Variants in SUCLG2 observed in about 807,000 individuals in gnomAD.
SUCLG2 encodes the protein succinate-CoA ligase GDP-forming subunit beta.
A neutral mutation model predicts 47.9 loss-of-function variants in SUCLG2; 42 were observed. That is an observed-to-expected ratio of 0.88 (90% CI 0.69 to 1.14). The LOEUF is 1.14. SUCLG2 is among the 50% of genes most tolerant of loss of function. The pLI is 0.00. For synonymous variants in SUCLG2, 195 were observed against 197.3 expected (o/e 0.99, Z 0.10); for missense variants, 571 against 525.9 (o/e 1.09, Z -0.84).
At chr3:67,623,515 A>G (rs1006029719) in intron 1 of SUCLG2, among the ~76,000 whole-genome samples, 2 of 152,108 alleles carry the variant, frequency 1.3e-5, no homozygotes, top group African/African-American at 4.8e-5. Context: ...AACAAAAAAT[A>G]AGAAAGAAAA....
chr3:67,414,228 C>T (rs1417411714), intron 9 of SUCLG2, among the ~76,000 whole-genome samples: 1 of 152,196 alleles, frequency 6.6e-6, no homozygotes, highest in African/African-American at 2.4e-5. Context: ...CCCTTTCATA[C>T]TATGCCATCT....
At chr3:67,387,444 T>C (rs1702283681) in intron 10 of SUCLG2, among the ~76,000 whole-genome samples, 1 of 152,222 alleles carries the variant, frequency 6.6e-6, no homozygotes, top group Non-Finnish European at 1.5e-5. Flanking sequence ...TGGAAATAAC[T>C]AGAAATGAAT....
At chr3:67,628,434 G>T (rs1700872245) in intron 1 of SUCLG2, among the ~76,000 whole-genome samples, 1 of 152,180 alleles carries the variant, frequency 6.6e-6, no homozygotes, top group African/African-American at 2.4e-5. Flanking sequence ...CACCCAGAGG[G>T]TATGTTTAAG....
At chr3:67,513,341 A>G (rs1705848332) in intron 6 of SUCLG2, among the ~76,000 whole-genome samples, 1 of 152,234 alleles carries the variant, frequency 6.6e-6, no homozygotes, top group South Asian at 2.1e-4. Context: ...TCCCATTGTA[A>G]TTATACATTA....
At chr3:67,637,704 C>T (rs1024452476) in intron 1 of SUCLG2, among the ~76,000 whole-genome samples, 4 of 152,174 alleles carry the variant, frequency 2.6e-5, no homozygotes, top group Non-Finnish European at 2.9e-5. Flanking sequence ...TTGACGTTTC[C>T]GTAAGTTATC....
intron 9 of SUCLG2, among the ~76,000 whole-genome samples, chr3:67,442,995 C>G (rs1703809080): frequency 6.6e-6 from 1 of 152,014 alleles, no homozygotes; most frequent in African/African-American, 2.4e-5. Flanking sequence ...TAAAAATATT[C>G]AGAAACGAAA....
At chr3:67,579,008 T>C (rs1450909079) in intron 2 of SUCLG2, among the ~76,000 whole-genome samples, 1 of 152,206 alleles carries the variant, frequency 6.6e-6, no homozygotes, top group Non-Finnish European at 1.5e-5. Flanking sequence ...GAATATTTTC[T>C]AGGATTTTTT....
At chr3:67,397,712 G>C (rs996093153) in intron 10 of SUCLG2, among the ~76,000 whole-genome samples, 2 of 152,136 alleles carry the variant, frequency 1.3e-5, no homozygotes, top group African/African-American at 2.4e-5. Flanking sequence ...GCATTGCCAA[G>C]TTAACCCTAA....
chr3:67,600,437 T>C (rs1708394169), intron 2 of SUCLG2, among the ~76,000 whole-genome samples: 2 of 152,230 alleles, frequency 1.3e-5, no homozygotes, highest in South Asian at 4.1e-4. Context: ...CCTTGAAGTA[T>C]GTATTATTAT....
At chr3:67,514,595 A>T (rs1414181602) in intron 6 of SUCLG2, among the ~76,000 whole-genome samples, 1 of 152,152 alleles carries the variant, frequency 6.6e-6, no homozygotes, top group Non-Finnish European at 1.5e-5. Context: ...TTCAGAAATG[A>T]ACAGTATAGA....
At chr3:67,533,856 C>T (rs1217921593) in intron 2 of SUCLG2, among the ~76,000 whole-genome samples, 1 of 152,136 alleles carries the variant, frequency 6.6e-6, no homozygotes, top group African/African-American at 2.4e-5. Flanking sequence ...TGTCAAAAGG[C>T]ATCTTTGAGA....
chr3:67,620,351 A>C lies in SUCLG2; in HGVS notation c.85-10755T>G, dbSNP rs1700711779. ...GTTAACCCCAGCACTTTCGGAAGCC[A>C]AGGCAGATGGATCACCTGAGGTCAG... On this transcript the variant is annotated intron_variant, in intron 1 of 10. Coordinates refer to ENST00000307227, the MANE Select transcript of SUCLG2 (RefSeq NM_003848.4). 2.6e-5 allele frequency among the ~76,000 whole-genome samples: 4 copies of C among 152,158 alleles called. No individual in the cohort carries two copies. In the South Asian group the frequency reaches 8.3e-4, roughly 31 times the overall value.
At chr3:67,433,513 T>C (rs1020981075) in intron 9 of SUCLG2, among the ~76,000 whole-genome samples, 2 of 151,146 alleles carry the variant, frequency 1.3e-5, no homozygotes, top group Non-Finnish European at 2.9e-5. Flanking sequence ...GATGGGGGAG[T>C]GGGCCCAGAT....
At chr3:67,374,079 A>C (rs1183569257), downstream of SUCLG2, among the ~76,000 whole-genome samples, 2 of 152,228 alleles carry the variant, frequency 1.3e-5, no homozygotes, top group Admixed American at 1.3e-4. Flanking sequence ...AGAGATCAAA[A>C]ATTTAAAAAT....
chr3:67,382,765 C>G (rs1352658), intron 10 of SUCLG2, among the ~76,000 whole-genome samples: 1 of 151,946 alleles, frequency 6.6e-6, no homozygotes, highest in African/African-American at 2.4e-5. Flanking sequence ...GCACAGACAG[C>G]ATGGCCTCGA....
chr3:67,477,451 T>C (rs2107005520), intron 9 of SUCLG2, among the ~76,000 whole-genome samples: 1 of 152,282 alleles, frequency 6.6e-6, no homozygotes, highest in Non-Finnish European at 1.5e-5. Context: ...TCCCAGCACT[T>C]TGGGAGGCCG....
intron 6 of SUCLG2, among the ~76,000 whole-genome samples, chr3:67,514,721 T>C (rs949315208): frequency 1.3e-5 from 2 of 152,216 alleles, no homozygotes; most frequent in Non-Finnish European, 2.9e-5. Flanking sequence ...AGGTCCAAGT[T>C]ATTAAATGGA....
In SUCLG2 at chr3:67,535,764, T is replaced by C. The variant is rs544413283; in HGVS notation, c.227-6578A>G. 3.1e-3 allele frequency among the ~76,000 whole-genome samples: 473 copies of C among 152,190 alleles called. 3 individuals carry two copies. The highest frequency in any genetic ancestry group is 6.0e-3 in the Non-Finnish European group (405 of 68,012). On this transcript the variant is annotated intron_variant, in intron 2 of 10. Coordinates refer to ENST00000307227, the MANE Select transcript of SUCLG2 (RefSeq NM_003848.4). The stretch of plus-strand genomic sequence containing the variant: ...AGAAGAGCAAGAAAAGGCTGGAGCC[T>C]CTTGCTAACATCTCCACATCTGTCT...
At chr3:67,509,065 A>C (rs1016179492) in intron 6 of SUCLG2, among the ~76,000 whole-genome samples, 162 bp from the exon 7 acceptor site, 1 of 152,210 alleles carries the variant, frequency 6.6e-6, no homozygotes, top group Admixed American at 6.5e-5. Flanking sequence ...TTCCACTGCT[A>C]TTCATTAAAA....
Sources: gnomAD v4.1 joint callset for allele counts (sites outside exome capture counted in the v4.1 genomes callset) on GRCh38, gnomAD v4.1.1 for gene constraint, MANE v1.5 for transcripts, NCBI Gene and HGNC (gene_info 2026-07-23, HGNC 2026-07-21) for gene names.